The following AXIN1 variants were observed in gnomAD, a reference collection of about 807,000 sequenced individuals.
The protein encoded by AXIN1 is axin-1.
In AXIN1, 30 loss-of-function variants were observed where a neutral mutation model predicts 76.4. The ratio of observed to expected loss-of-function variants is 0.39; its 90% CI spans 0.29 to 0.53. The LOEUF (loss-of-function observed/expected upper bound fraction) is 0.53, where lower values mean the gene tolerates loss of function less well. Among genes scored for constraint, AXIN1 ranks in the 20% least tolerant of loss-of-function variants. AXIN1 has a pLI of 0.66. For synonymous variants in AXIN1, 545 were observed against 501.4 expected (o/e 1.09, Z -1.16); for missense variants, 1,140 against 1,198.8 (o/e 0.95, Z 0.72).
Position 293,176 on chromosome 16 carries a change from C to T in AXIN1, c.2186+312G>A, listed in dbSNP as rs912049645. On this transcript the variant is annotated intron_variant, in intron 8 of 10. Coordinates refer to ENST00000262320, the MANE Select transcript of AXIN1 (RefSeq NM_003502.4). This position sits in a 1 kb window ranked among gnomAD's most constrained non-coding sequence, Gnocchi z 4.6. ...CGAGCAGCCTCTGGCTGGGGACCGG[C>T]GTTCCCCACACACTGGGGCCCTGCA... 8 of 460,774 alleles carry T rather than the reference C, an allele frequency of 1.7e-5. No homozygotes were observed. The highest frequency in any genetic ancestry group is 3.7e-5 in the East Asian group (1 of 27,276). 28.5% of individuals were successfully genotyped at this position (460,774 alleles called of 1,614,324 possible).
chr16:332,732 T>C (rs1015406948), intron 2 of AXIN1, among the ~76,000 whole-genome samples: 4 of 148,362 alleles, frequency 2.7e-5, no homozygotes, highest in Non-Finnish European at 4.4e-5. Flanking sequence ...AAAAAATGTA[T>C]TGAAAAGATA....
At chr16:302,347 C>A (rs550691805) in intron 5 of AXIN1, among the ~76,000 whole-genome samples, 26 of 152,234 alleles carry the variant, frequency 1.7e-4, no homozygotes, top group Non-Finnish European at 3.1e-4. Flanking sequence ...GAGGGTCACC[C>A]TCAGACCAAC....
rs1262571528 is a variant in AXIN1, at chr16:293,583, G to A, written c.2091C>T (p.Pro697=). The A allele has an allele frequency of 1.2e-6, 2 of 1,612,758 alleles. No individual in the cohort carries two copies. Among genetic ancestry groups the A allele is most frequent in the Non-Finnish European group, 1.7e-6 (2 of 1,179,964 alleles). The part of the protein sequence containing the change: ...HLFIQDPTMP[P]HPAPNPLTQL... ...GGGTTAGGGGGTTGGGAGCTGGGTG[G>A]GGTGGCATGGTGGGGTCTTGGATGA... is the stretch of plus-strand genomic sequence containing the variant. The change falls in exon 8 of 11, where the codon CCC becomes CCT. Residue 697 remains proline, a synonymous_variant. Transcript: ENST00000262320. This position sits in a 1 kb window ranked among gnomAD's most constrained non-coding sequence, Gnocchi z 4.6.
In AXIN1 at chr16:287,803, G is replaced by A. The variant is rs1371771405; in HGVS notation, c.*319C>T. ...AGAGGGAAAGTAGATCCCAGCACAC[G>A]TGCCCAAGGGAGGTGCCGGGGGATG... On this transcript the variant is annotated 3_prime_UTR_variant, in exon 11 of 11. Transcript: ENST00000262320. 8.3e-6 allele frequency: 4 copies of A among 481,480 alleles called. No individual in the cohort carries two copies. Among genetic ancestry groups the A allele is most frequent in the South Asian group, 4.2e-5 (2 of 47,838 alleles). 29.8% of individuals were successfully genotyped at this position (481,480 alleles called of 1,614,324 possible).
intron 2 of AXIN1, among the ~76,000 whole-genome samples, chr16:336,848 C>T (rs988024353): frequency 1.4e-5 from 2 of 138,546 alleles, no homozygotes; most frequent in African/African-American, 5.5e-5. Context: ...AACATAAATA[C>T]AAGAACTTAA....
At chr16:311,626 C>G (rs1051418444) in intron 3 of AXIN1, among the ~76,000 whole-genome samples, 4 of 151,926 alleles carry the variant, frequency 2.6e-5, no homozygotes, top group African/African-American at 9.7e-5. Context: ...AAAAAATTAG[C>G]CAGGTGTGGT....
chr16:302,609 C>A (rs1176215605), intron 5 of AXIN1, among the ~76,000 whole-genome samples: 2 of 152,162 alleles, frequency 1.3e-5, no homozygotes, highest in Non-Finnish European at 2.9e-5. Flanking sequence ...CGGCACCCTG[C>A]GTCCACCCTC....
chr16:323,867 G>A (rs1337956834), intron 2 of AXIN1, among the ~76,000 whole-genome samples: 1 of 152,100 alleles, frequency 6.6e-6, no homozygotes, highest in African/African-American at 2.4e-5. Context: ...AGGAGCATAA[G>A]CACAGGTCTT....
At chr16:342,725 G>A (rs905468318) in intron 2 of AXIN1, among the ~76,000 whole-genome samples, 1 of 152,236 alleles carries the variant, frequency 6.6e-6, no homozygotes, top group South Asian at 2.1e-4. Context: ...CAGAGCTGCG[G>A]GAAGCATCTG....
At chr16:327,425 G>A (rs905939277) in intron 2 of AXIN1, among the ~76,000 whole-genome samples, 1 of 152,232 alleles carries the variant, frequency 6.6e-6, no homozygotes, top group African/African-American at 2.4e-5. Context: ...TCAGCCCTGC[G>A]GCCTGTGCCT....
chr16:320,101 C>T (rs1308725748), intron 2 of AXIN1, among the ~76,000 whole-genome samples: 1 of 152,244 alleles, frequency 6.6e-6, no homozygotes, highest in South Asian at 2.1e-4. Context: ...GCCCCCCACA[C>T]ACTCACAAGC....
intron 1 of AXIN1, among the ~76,000 whole-genome samples, chr16:351,609 CA>C (rs3073808): frequency 2.1e-4 from 31 of 144,344 alleles, no homozygotes; most frequent in East Asian, 4.0e-4. Flanking sequence ...GACTCCGTCT[CA>C]AAAAAAAAAA....
At chr16:351,945 G>C (rs1193135254) in intron 1 of AXIN1, among the ~76,000 whole-genome samples, 3 of 152,144 alleles carry the variant, frequency 2.0e-5, no homozygotes, top group African/African-American at 7.2e-5. Context: ...CCAGTGTTTG[G>C]GCAGCAAGGC....
Position 297,170 on chromosome 16 carries a change from C to G in AXIN1, c.1841G>C (p.Ser614Thr), listed in dbSNP as rs2141503593. The G allele has an allele frequency of 6.2e-7, 1 of 1,611,734 alleles. No individual in the cohort carries two copies. Among genetic ancestry groups the G allele is most frequent in the Non-Finnish European group, 8.5e-7 (1 of 1,179,958 alleles). Residue 614 changes from serine to threonine, a missense_variant, in exon 7 of 11, where the codon AGC becomes ACC. Around this residue, in one of 3 missense-constraint regions of AXIN1, gnomAD observed 429 missense variants for 405.8 expected, o/e 1.06. Coordinates refer to ENST00000262320, the MANE Select transcript of AXIN1 (RefSeq NM_003502.4). Reference sequence around the variant, plus strand: ...GGCACCTGGCACCTCGGTGCTGGCGCTCTTCCCCGACTCAGCCTTCTTGGC... The same window carrying G: ...GGCACCTGGCACCTCGGTGCTGGCGGTCTTCCCCGACTCAGCCTTCTTGGC... ...RNAKKAESGKSASTEVPGASE... is the reference protein window; with the variant it reads ...RNAKKAESGKTASTEVPGASE...
chr16:302,736 G>A (rs1204042), intron 5 of AXIN1, among the ~76,000 whole-genome samples: 29,488 of 152,114 alleles, frequency 0.19, 3,305 homozygotes, highest in African/African-American at 0.29. Context: ...TTTACATCAA[G>A]GATCAGGTGA....
chr16:294,864 C>T (rs2052666501), intron 7 of AXIN1, among the ~76,000 whole-genome samples: 2 of 151,224 alleles, frequency 1.3e-5, no homozygotes, highest in Non-Finnish European at 2.9e-5. Context: ...AGATCGAGAC[C>T]GTCCTGGCTA....
chr16:288,446 T>TGG, intron 10 of AXIN1, 198 bp from the exon 11 acceptor site: 2 of 778,484 alleles, frequency 2.6e-6, no homozygotes, highest in South Asian at 3.3e-5. Context: ...TGGGCAGCCA[T>TGG]GGGGGGTGAG....
intron 10 of AXIN1, 56 bp from the exon 11 acceptor site, chr16:288,304 G>A (rs2052444795): frequency 1.2e-6 from 2 of 1,611,038 alleles, no homozygotes; most frequent in Non-Finnish European, 1.7e-6. Flanking sequence ...ATGGGAAGGA[G>A]GCCTGTGGCA....
At chr16:332,224 C>T (rs906017407) in intron 2 of AXIN1, among the ~76,000 whole-genome samples, 1 of 152,172 alleles carries the variant, frequency 6.6e-6, no homozygotes, top group Non-Finnish European at 1.5e-5. Context: ...TTAGAGAACT[C>T]GCAGCAGCAA....
Sources: allele counts gnomAD v4.1 joint callset (sites outside exome capture counted in the v4.1 genomes callset), GRCh38; gene constraint gnomAD v4.1.1; regional missense constraint gnomAD v4.1.1; non-coding constraint Gnocchi (gnomAD v3.1); transcripts MANE v1.5; gene names NCBI Gene and HGNC (gene_info 2026-07-23, HGNC 2026-07-21).